The following NELL1 variants were observed in gnomAD, a reference collection of about 807,000 sequenced individuals.
NELL1 encodes neural EGFL like 1.
NELL1 carries 76 observed loss-of-function variants against 107.4 expected under a neutral mutation model. The observed-to-expected ratio is 0.71, with a 90% CI of 0.59 to 0.86. The LOEUF (loss-of-function observed/expected upper bound fraction) is 0.86, where lower values mean the gene tolerates loss of function less well. NELL1 is among the 40% of genes least tolerant of loss of function. The probability of loss-of-function intolerance (pLI) is 0.00; values close to 1 mark genes in which losing one functional copy is unlikely to be tolerated. For missense variants in NELL1, 1,024 were observed against 1,005.5 expected, an observed-to-expected ratio of 1.02 and a Z score of -0.25; for synonymous variants, 353 against 341.2, an observed-to-expected ratio of 1.03 and a Z score of -0.38.
chr11:20,696,222 C>T (rs889487804), intron 2 of NELL1, among the ~76,000 whole-genome samples: 1 of 151,942 alleles, frequency 6.6e-6, no homozygotes, highest in South Asian at 2.1e-4. Context: ...CTTTCAAATA[C>T]CCAACTTTTG....
chr11:20,727,554 C>A (rs898940947), intron 2 of NELL1, among the ~76,000 whole-genome samples: 12 of 152,136 alleles, frequency 7.9e-5, no homozygotes, highest in African/African-American at 2.9e-4. Context: ...GTTGCCTGTT[C>A]ACTCTGATGG....
intron 12 of NELL1, among the ~76,000 whole-genome samples, chr11:21,094,168 C>T (rs1235787641): frequency 6.6e-6 from 1 of 152,200 alleles, no homozygotes; most frequent in East Asian, 1.9e-4. Flanking sequence ...AAAGGGGCTA[C>T]AGGCCCCATG....
chr11:20,715,040 G>A (rs1855208845), intron 2 of NELL1, among the ~76,000 whole-genome samples: 1 of 152,012 alleles, frequency 6.6e-6, no homozygotes, highest in African/African-American at 2.4e-5. Context: ...TCAGGAGATC[G>A]AGACCATCCT....
At chr11:21,146,395 G>A (rs1855979232) in intron 13 of NELL1, among the ~76,000 whole-genome samples, 1 of 152,188 alleles carries the variant, frequency 6.6e-6, no homozygotes, top group Non-Finnish European at 1.5e-5. Context: ...AAAGGATGAG[G>A]GGAAGAAATA....
chr11:21,065,941 G>A (rs973640899), intron 12 of NELL1, among the ~76,000 whole-genome samples: 6 of 152,074 alleles, frequency 3.9e-5, no homozygotes, highest in African/African-American at 1.4e-4. Context: ...CCTTTGTAGG[G>A]GAACTCACCC....
chr11:21,572,866 G>A (rs976939861), intron 18 of NELL1, among the ~76,000 whole-genome samples: 5 of 151,792 alleles, frequency 3.3e-5, no homozygotes, highest in African/African-American at 9.7e-5. Flanking sequence ...CAGAAAGTCT[G>A]AAAGCTCAAA....
In NELL1 at chr11:21,404,371, A is replaced by G. The variant is rs1203624726; in HGVS notation, c.1645+33423A>G. Among the ~76,000 whole-genome samples, 3 of 151,922 alleles carry G rather than the reference A, an allele frequency of 2.0e-5. No homozygotes were observed. In the East Asian group the frequency reaches 5.9e-4, roughly 30 times the overall value. On this transcript the variant is annotated intron_variant, in intron 15 of 19. Transcript: ENST00000357134. The stretch of plus-strand genomic sequence containing the variant: ...ATATGGAATTTAGGGGCAGACTAAT[A>G]CAGTTCAAAGGCATTAGAAGGAACT...
chr11:21,479,769 G>A (rs536046302), intron 15 of NELL1, among the ~76,000 whole-genome samples: 25 of 152,150 alleles, frequency 1.6e-4, no homozygotes, highest in Non-Finnish European at 3.2e-4. Flanking sequence ...ATTACACATC[G>A]TATGTCTGTG....
chr11:20,860,308 C>T (rs1848955816), intron 4 of NELL1, among the ~76,000 whole-genome samples: 1 of 152,170 alleles, frequency 6.6e-6, no homozygotes, highest in Admixed American at 6.5e-5. Flanking sequence ...TATGAGCTCA[C>T]CATTGTTTCA....
chr11:21,148,647 G>A (rs887736237), intron 13 of NELL1, among the ~76,000 whole-genome samples: 4 of 152,138 alleles, frequency 2.6e-5, no homozygotes, highest in African/African-American at 9.7e-5. Flanking sequence ...AAGTTAATTA[G>A]AGGAAACAAC....
intron 14 of NELL1, among the ~76,000 whole-genome samples, chr11:21,328,053 C>A (rs937260360): frequency 6.6e-6 from 1 of 152,062 alleles, no homozygotes; most frequent in African/African-American, 2.4e-5. Context: ...AAGCTGGCTG[C>A]AGAAATTTGC....
intron 9 of NELL1, among the ~76,000 whole-genome samples, chr11:20,931,726 A>G (rs1211974440): frequency 6.6e-6 from 1 of 152,210 alleles, no homozygotes; most frequent in Non-Finnish European, 1.5e-5. Flanking sequence ...TGAGGGATAT[A>G]AGTGAAACTA....
At chr11:20,699,866 A>G (rs1854726951) in intron 2 of NELL1, among the ~76,000 whole-genome samples, 1 of 152,162 alleles carries the variant, frequency 6.6e-6, no homozygotes, top group Non-Finnish European at 1.5e-5. Flanking sequence ...ACTGTTTTCC[A>G]TAGTGGTTGT....
At chr11:20,910,021 A>G (rs183916710) in intron 5 of NELL1, among the ~76,000 whole-genome samples, 2 of 152,112 alleles carry the variant, frequency 1.3e-5, no homozygotes, top group African/African-American at 4.8e-5. Context: ...AATTGTGTTG[A>G]TAAGGATCGG....
chr11:20,938,934 CTCTCTCTG>C (rs1374748132), intron 10 of NELL1, among the ~76,000 whole-genome samples: 213 of 42,482 alleles, frequency 5.0e-3, no homozygotes, highest in South Asian at 0.018. Context: ...CTCTCTCTCT[CTCTCTCTG>C]TGTGTGTGTG....
intron 5 of NELL1, among the ~76,000 whole-genome samples, chr11:20,907,994 A>T (rs1850041716): frequency 6.6e-6 from 1 of 152,186 alleles, no homozygotes; most frequent in Non-Finnish European, 1.5e-5. Context: ...AATCAAAATG[A>T]TAATGAGATA....
intron 7 of NELL1, chr11:20,926,942 T>G: frequency 5.9e-6 from 1 of 168,374 alleles, no homozygotes; most frequent in Admixed American, 6.2e-5. Flanking sequence ...TGCCTCGGAG[T>G]TCCTGATTAG....
At chr11:21,304,018 C>A (rs1849554071) in intron 14 of NELL1, among the ~76,000 whole-genome samples, 1 of 152,018 alleles carries the variant, frequency 6.6e-6, no homozygotes, top group Non-Finnish European at 1.5e-5. Context: ...GAATTAATCA[C>A]CTCCCAGTGG....
intron 16 of NELL1, among the ~76,000 whole-genome samples, chr11:21,555,763 T>A (rs1591032726): frequency 6.6e-6 from 1 of 152,044 alleles, no homozygotes; most frequent in East Asian, 2.0e-4. Context: ...TTAGTCTTTG[T>A]CTTTTCAGGC....
Sources: gnomAD v4.1 joint callset for allele counts (sites outside exome capture counted in the v4.1 genomes callset) on GRCh38, gnomAD v4.1.1 for gene constraint, MANE v1.5 for transcripts, NCBI Gene and HGNC (gene_info 2026-07-23, HGNC 2026-07-21) for gene names.